ZFHX3: variants seen among roughly 807,000 people sequenced by gnomAD.
The protein encoded by ZFHX3 is zinc finger homeobox 3, also known as zinc finger homeobox protein 3.
ZFHX3 carries 42 observed loss-of-function variants against 279.1 expected under a neutral mutation model. The ratio of observed to expected loss-of-function variants is 0.15; its 90% CI spans 0.12 to 0.19. The LOEUF is 0.19. Among genes scored for constraint, ZFHX3 ranks in the 10% least tolerant of loss-of-function variants. The probability of loss-of-function intolerance (pLI) is 1.00; values close to 1 mark genes in which losing one functional copy is unlikely to be tolerated. For missense variants in ZFHX3, 4,981 were observed against 4,754.0 expected, an observed-to-expected ratio of 1.05 and a Z score of -1.40; for synonymous variants, 2,293 against 1,957.8, an observed-to-expected ratio of 1.17 and a Z score of -4.52.
intron 2 of ZFHX3, among the ~76,000 whole-genome samples, chr16:72,951,653 G>T (rs773831868): frequency 5.9e-5 from 9 of 152,174 alleles, no homozygotes; most frequent in Non-Finnish European, 1.2e-4. Flanking sequence ...ATCTCAAACT[G>T]CAGACCTTCC....
intron 2 of ZFHX3, among the ~76,000 whole-genome samples, chr16:73,558,740 TCTCA>T (rs915425953): frequency 2.3e-5 from 3 of 130,992 alleles, no homozygotes; most frequent in Non-Finnish European, 4.8e-5. Context: ...TTTGAGACAG[TCTCA>T]CTCTGTTGTG....
At chr16:73,809,142 G>C (rs1336027765) in intron 1 of ZFHX3, 4 of 152,206 alleles carry the variant, frequency 2.6e-5, no homozygotes, top group African/African-American at 7.2e-5. Context: ...TGTCGGAATG[G>C]AGGTGACCCT....
chr16:73,737,974 G>A (rs1000658459), intron 1 of ZFHX3, among the ~76,000 whole-genome samples: 3 of 152,138 alleles, frequency 2.0e-5, no homozygotes, highest in African/African-American at 7.2e-5. Context: ...TTTGGTGGGG[G>A]AGGAGGTCAA....
At chr16:73,466,011 G>C (rs1326884222) in intron 2 of ZFHX3, among the ~76,000 whole-genome samples, 3 of 151,980 alleles carry the variant, frequency 2.0e-5, no homozygotes, top group Non-Finnish European at 4.4e-5. Flanking sequence ...AGAAAATGTG[G>C]TAAAACACAA....
At chr16:73,640,797 A>G (rs1221027892) in intron 2 of ZFHX3, among the ~76,000 whole-genome samples, 1 of 152,164 alleles carries the variant, frequency 6.6e-6, no homozygotes. Flanking sequence ...TTTCAGAAAA[A>G]TTTCCCAGAA....
chr16:73,511,393 G>A (rs184204939), intron 2 of ZFHX3, among the ~76,000 whole-genome samples: 6 of 152,170 alleles, frequency 3.9e-5, no homozygotes, highest in African/African-American at 1.4e-4. Context: ...TTGGTGCCAG[G>A]CATGGTGAAA....
At chr16:73,409,623 C>T (rs1437660103) in intron 3 of ZFHX3, among the ~76,000 whole-genome samples, 1 of 152,146 alleles carries the variant, frequency 6.6e-6, no homozygotes. Context: ...TGGGTATAAT[C>T]CCCAAGAAGG....
At chr16:73,350,630 G>C (rs573186995) in intron 3 of ZFHX3, among the ~76,000 whole-genome samples, 26 of 152,244 alleles carry the variant, frequency 1.7e-4, no homozygotes, top group Non-Finnish European at 3.4e-4. Context: ...GGGATTTCTC[G>C]GGCTTCTCAT....
intron 5 of ZFHX3, among the ~76,000 whole-genome samples, chr16:73,230,100 T>C (rs545129720): frequency 4.9e-4 from 74 of 152,274 alleles, no homozygotes; most frequent in African/African-American, 1.5e-3. Flanking sequence ...GATCAATACA[T>C]GGTTAGTAAA....
At chr16:73,318,794 G>C (rs2015510310) in intron 3 of ZFHX3, among the ~76,000 whole-genome samples, 1 of 152,170 alleles carries the variant, frequency 6.6e-6, no homozygotes, top group Admixed American at 6.5e-5. Flanking sequence ...CTTGTAATTA[G>C]TTTCAGCAAT....
chr16:72,828,443 C>T (rs1047876495), intron 5 of ZFHX3, among the ~76,000 whole-genome samples: 7 of 152,198 alleles, frequency 4.6e-5, no homozygotes, highest in Non-Finnish European at 1.0e-4. Context: ...GAGAAATGGC[C>T]GTTCTCCTTC....
intron 1 of ZFHX3, among the ~76,000 whole-genome samples, chr16:73,680,657 A>T (rs1278684669): frequency 6.6e-6 from 1 of 152,248 alleles, no homozygotes; most frequent in Non-Finnish European, 1.5e-5. Flanking sequence ...AGAAAGTGAC[A>T]GGAAATTTCT....
chr16:73,483,840 C>T lies in ZFHX3; in HGVS notation c.-1546-27582G>A, dbSNP rs548470997. The stretch of plus-strand genomic sequence containing the variant: ...CTGCAAATTATGAAGAAAAATGGAC[C>T]GAGGGCTTTGTCACAAATAATAATA... On this transcript the variant is annotated intron_variant, in intron 2 of 17. Transcript: ENST00000641206. 1.1e-4 allele frequency among the ~76,000 whole-genome samples: 16 copies of T among 151,890 alleles called. No individual in the cohort carries two copies. The South Asian group carries it at 1.9e-3, about 18-fold the overall frequency.
chr16:73,571,814 G>A (rs970709826), intron 2 of ZFHX3, among the ~76,000 whole-genome samples: 1 of 152,100 alleles, frequency 6.6e-6, no homozygotes, highest in Non-Finnish European at 1.5e-5. Context: ...CGTGAAAGGG[G>A]TGTCTCAAAT....
chr16:73,042,121 T>C (rs1431769135), intron 1 of ZFHX3, among the ~76,000 whole-genome samples: 1 of 152,028 alleles, frequency 6.6e-6, no homozygotes, highest in Non-Finnish European at 1.5e-5. Flanking sequence ...GTTTAAATGC[T>C]TCTGAAAAGC....
At chr16:73,831,168 A>G (rs1350708797) in intron 1 of ZFHX3, among the ~76,000 whole-genome samples, 1 of 152,228 alleles carries the variant, frequency 6.6e-6, no homozygotes, top group Non-Finnish European at 1.5e-5. Flanking sequence ...ACAGCCCTGG[A>G]GAAATGGGCC....
chr16:73,506,777 C>T (rs115967320), intron 2 of ZFHX3, among the ~76,000 whole-genome samples: 1 of 152,176 alleles, frequency 6.6e-6, no homozygotes, highest in Non-Finnish European at 1.5e-5. Flanking sequence ...CAGCAGATGA[C>T]AGGAGACAGC....
intron 1 of ZFHX3, among the ~76,000 whole-genome samples, chr16:73,852,298 C>T (rs897946850): frequency 1.3e-5 from 2 of 152,142 alleles, no homozygotes; most frequent in Non-Finnish European, 2.9e-5. Flanking sequence ...TTGCAGATGG[C>T]CTGTTAATGG....
At chr16:73,203,386 T>A (rs2011677615) in intron 5 of ZFHX3, among the ~76,000 whole-genome samples, 1 of 152,230 alleles carries the variant, frequency 6.6e-6, no homozygotes, top group South Asian at 2.1e-4. Context: ...ATACAGACAT[T>A]ATTTTTTAAA....
Sources: gnomAD v4.1 joint callset for allele counts (sites outside exome capture counted in the v4.1 genomes callset) on GRCh38, gnomAD v4.1.1 for gene constraint, MANE v1.5 for transcripts, NCBI Gene and HGNC (gene_info 2026-07-23, HGNC 2026-07-21) for gene names.